Variants in PBLD observed in about 807,000 individuals in gnomAD.
PBLD encodes the protein phenazine biosynthesis like protein domain containing, also known as phenazine biosynthesis-like domain-containing protein.
In PBLD, 26 loss-of-function variants were observed where a neutral mutation model predicts 31.3. That is an observed-to-expected ratio of 0.83 (90% CI 0.61 to 1.15). The LOEUF (loss-of-function observed/expected upper bound fraction) is 1.15. Among genes scored for constraint, PBLD ranks in the 50% most tolerant of loss-of-function variants. PBLD has a pLI of 0.00. For synonymous variants in PBLD, 114 were observed against 129.0 expected (o/e 0.88, Z 0.79); for missense variants, 307 against 351.7 (o/e 0.87, Z 1.02).
Position 68,291,992 on chromosome 10 carries a change from T to A in PBLD, c.423+18A>T, listed in dbSNP as rs74873078. The A allele has an allele frequency of 4.2e-4, 668 of 1,573,844 alleles. 3 individuals are homozygous for A. The African/African-American group carries it at 8.1e-3, about 19-fold the overall frequency. On this transcript the variant is annotated intron_variant, in intron 6 of 9. Transcript: ENST00000358769. Reference sequence around the variant, plus strand: ...CAATAACAAATAACTAGGCTCAGGTTTGATTCTTTTTACCAACCTTTATCA... The same window carrying A: ...CAATAACAAATAACTAGGCTCAGGTATGATTCTTTTTACCAACCTTTATCA...
At position 68,295,232 on chromosome 10, in the gene PBLD, C is replaced by A. The variant is rs533318032; in HGVS notation, c.283+1034G>T. ...TATTGGCCGGGCGTGGTGGCTCATG[C>A]CTGTAATCCCAGCACTTTGGGAGGC... On this transcript the variant is annotated intron_variant, in intron 4 of 9. Transcript: ENST00000358769. 7.7e-4 allele frequency among the ~76,000 whole-genome samples: 117 copies of A among 152,264 alleles called. 3 individuals are homozygous for A. In the South Asian group the frequency reaches 0.023, roughly 30 times the overall value.
chr10:68,298,147 C>T (rs759845534), intron 2 of PBLD, among the ~76,000 whole-genome samples: 10 of 152,026 alleles, frequency 6.6e-5, no homozygotes, highest in East Asian at 1.9e-4. Flanking sequence ...CCAGACTATA[C>T]GGGAGGCGGA....
chr10:68,287,235 A>G (rs887609121), intron 8 of PBLD: 4 of 152,234 alleles, frequency 2.6e-5, no homozygotes, highest in African/African-American at 9.6e-5. Context: ...TTCAGTCCCA[A>G]GCAAACTCAG....
intron 8 of PBLD, 93 bp from the exon 9 acceptor site, chr10:68,285,503 T>C (rs1267128643): frequency 2.7e-6 from 4 of 1,502,782 alleles, no homozygotes; most frequent in East Asian, 2.3e-5. Context: ...ATTATCCAGT[T>C]TGAATAAACT....
intron 1 of PBLD, among the ~76,000 whole-genome samples, chr10:68,311,934 G>A (rs2044675059): frequency 6.6e-6 from 1 of 152,168 alleles, no homozygotes; most frequent in African/African-American, 2.4e-5. Flanking sequence ...GGAAAGTATT[G>A]TACCACACAT....
At chr10:68,309,663 C>T (rs1407648026) in intron 1 of PBLD, among the ~76,000 whole-genome samples, 9 of 149,048 alleles carry the variant, frequency 6.0e-5, no homozygotes, top group Non-Finnish European at 1.5e-5. Flanking sequence ...CAGAAATCAG[C>T]TGGGCATGGT....
At chr10:68,331,832 T>C (rs1203421927) in intron 1 of PBLD, 1 of 152,392 alleles carries the variant, frequency 6.6e-6, no homozygotes, top group Non-Finnish European at 1.5e-5. Context: ...AACTGGATGG[T>C]TCTAACGTAA....
At chr10:68,305,624 G>A (rs1247795825) in intron 2 of PBLD, among the ~76,000 whole-genome samples, 1 of 152,002 alleles carries the variant, frequency 6.6e-6, no homozygotes, top group African/African-American at 2.4e-5. Context: ...GCATGGTGGC[G>A]GGCACCTGTA....
chr10:68,329,458 C>G (rs767059682), intron 1 of PBLD, among the ~76,000 whole-genome samples: 1 of 152,164 alleles, frequency 6.6e-6, no homozygotes, highest in Non-Finnish European at 1.5e-5. Flanking sequence ...TGAATTCAAG[C>G]AAGGAGTGAA....
At chr10:68,320,648 A>T (rs2044820408) in intron 1 of PBLD, among the ~76,000 whole-genome samples, 1 of 151,758 alleles carries the variant, frequency 6.6e-6, no homozygotes, top group Non-Finnish European at 1.5e-5. Context: ...TGTAATTTTT[A>T]TTGTTGTATT....
At chr10:68,292,617 C>G (rs1005145265) in intron 4 of PBLD, among the ~76,000 whole-genome samples, 8 of 151,772 alleles carry the variant, frequency 5.3e-5, no homozygotes, top group Admixed American at 3.9e-4. Flanking sequence ...TCAAGTGATT[C>G]TCCCACCTCA....
intron 1 of PBLD, among the ~76,000 whole-genome samples, chr10:68,319,013 AAG>A (rs1240526917): frequency 1.3e-5 from 2 of 148,952 alleles, no homozygotes; most frequent in African/African-American, 2.5e-5. Flanking sequence ...GAAAGAAAGA[AAG>A]AGAGAGGGAG....
At chr10:68,321,278 C>T (rs2044831695) in intron 1 of PBLD, among the ~76,000 whole-genome samples, 1 of 152,044 alleles carries the variant, frequency 6.6e-6, no homozygotes, top group Admixed American at 6.6e-5. Context: ...ATTTCAATGC[C>T]TACTTTCAAC....
intron 1 of PBLD, among the ~76,000 whole-genome samples, chr10:68,328,633 A>T (rs2134560845): frequency 1.3e-5 from 2 of 152,354 alleles, no homozygotes; most frequent in Middle Eastern, 6.8e-3. Context: ...GAGAAAAAAA[A>T]GTCCCAAAAG....
At chr10:68,314,943 C>A (rs1399025608) in intron 1 of PBLD, among the ~76,000 whole-genome samples, 3 of 152,112 alleles carry the variant, frequency 2.0e-5, no homozygotes, top group Admixed American at 6.5e-5. Flanking sequence ...GCACCCACCA[C>A]CATGCCCAGC....
At chr10:68,305,312 T>A (rs2134471482) in intron 2 of PBLD, among the ~76,000 whole-genome samples, 1 of 147,440 alleles carries the variant, frequency 6.8e-6, no homozygotes, top group East Asian at 2.0e-4. Context: ...ACGGTCTCGC[T>A]GTGTTGGCCA....
At chr10:68,296,204 A>G (rs1465917942) in intron 4 of PBLD, 62 bp downstream of exon 4, 1 of 1,250,530 alleles carries the variant, frequency 8.0e-7, no homozygotes, top group Non-Finnish European at 1.1e-6. Context: ...AGTGTGTGTG[A>G]GAACTTAAAA....
At position 68,317,817 on chromosome 10, in the gene PBLD, C is replaced by A. The variant is rs80222226; in HGVS notation, c.-59-10914G>T. ...CACTGTCCCATAAAAAACAAACAAACAAAAAAAATGTAGAGATTTGTTGCA... is the reference window on the plus strand; with the variant it reads ...CACTGTCCCATAAAAAACAAACAAAAAAAAAAAATGTAGAGATTTGTTGCA... On this transcript the variant is annotated intron_variant, in intron 1 of 9. Coordinates refer to ENST00000358769, the MANE Select transcript of PBLD (RefSeq NM_022129.4). 5.3e-4 allele frequency among the ~76,000 whole-genome samples: 79 copies of A among 148,886 alleles called. 1 individual carries two copies. In the East Asian group the frequency reaches 6.3e-3, roughly 12 times the overall value.
At chr10:68,296,151 C>T in intron 4 of PBLD, 115 bp downstream of exon 4, 1 of 738,652 alleles carries the variant, frequency 1.4e-6, no homozygotes, top group Non-Finnish European at 2.2e-6. Flanking sequence ...ATGAAGTAAA[C>T]TCTGCAGAGT....
Sources: allele counts gnomAD v4.1 joint callset (sites outside exome capture counted in the v4.1 genomes callset), GRCh38; gene constraint gnomAD v4.1.1; transcripts MANE v1.5; gene names NCBI Gene and HGNC (gene_info 2026-07-23, HGNC 2026-07-21).